Variants in FCRL5 observed in about 807,000 individuals in gnomAD.
The protein encoded by FCRL5 is Fc receptor-like protein 5.
Under a neutral mutation model 92.1 loss-of-function variants are expected in FCRL5, and 79 were observed. The ratio of observed to expected loss-of-function variants is 0.86; its 90% confidence interval spans 0.72 to 1.03. The LOEUF (loss-of-function observed/expected upper bound fraction) is 1.03. Ranked by LOEUF, FCRL5 falls within the 50% of genes least tolerant of loss-of-function variation. The pLI is 0.00. For synonymous variants in FCRL5, 466 were observed against 469.3 expected (o/e 0.99, Z 0.09); for missense variants, 1,160 against 1,181.1 (o/e 0.98, Z 0.26).
chr1:157,545,010 G>A lies in FCRL5; in HGVS notation c.380C>T (p.Ala127Val), dbSNP rs753400847. The A allele has an allele frequency of 6.0e-5, 97 of 1,613,516 alleles. No individual in the cohort carries two copies. The highest frequency in any genetic ancestry group is 7.8e-5 in the Non-Finnish European group (92 of 1,180,016). Residue 127 changes from alanine (A) to valine (V), a missense_variant, in exon 4 of 17, where the codon GCG becomes GTG. Transcript: ENST00000361835. ...DSVVLRCRAK[A>V]EVTLNNTIYK... is the part of the protein sequence containing the mutation. ...AATAGTATTATTCAGTGTTACTTCCGCCTTTGCCCGGCACCTCAGAACCAC... is the reference window on the plus strand; with the variant it reads ...AATAGTATTATTCAGTGTTACTTCCACCTTTGCCCGGCACCTCAGAACCAC...
Position 157,535,943 on chromosome 1 carries a change from G to GTTTTTTTTTTTTTTTTT in FCRL5, c.1403-1052_1403-1051insAAAAAAAAAAAAAAAAA, listed in dbSNP as rs60191062. On this transcript the variant is annotated intron_variant, in intron 7 of 16. Coordinates refer to ENST00000361835, the MANE Select transcript of FCRL5 (RefSeq NM_031281.3). ...GGCTAAATTCACTGGATGTGACTCA[G>GTTTTTTTTTTTTTTTTT]TTTTTTTTTTTTTTTTGAGATGGAG... is the stretch of plus-strand genomic sequence containing the variant. 7.0e-4 allele frequency among the ~76,000 whole-genome samples: 63 copies of GTTTTTTTTTTTTTTTTT among 90,022 alleles called. 5 individuals carry two copies. The highest frequency in any genetic ancestry group is 9.4e-4 in the Non-Finnish European group (44 of 46,926). The allele number at this position is 90,022 out of a possible 152,430, so 59.1% of individuals were successfully genotyped here. A position where few individuals can be genotyped will look rare whatever the true frequency, so the allele number is the denominator to read the frequency against.
At chr1:157,535,862 G>C (rs1191257767) in intron 7 of FCRL5, among the ~76,000 whole-genome samples, 2 of 151,486 alleles carry the variant, frequency 1.3e-5, no homozygotes, top group Admixed American at 6.6e-5. Context: ...AGAGGCAGCA[G>C]TCAAACCCAG....
At position 157,520,486 on chromosome 1, in the gene FCRL5, T is replaced by C. The variant is rs1471025515; in HGVS notation, c.2577A>G (p.Ile859Met). 1 of 1,575,642 alleles carries C rather than the reference T, an allele frequency of 6.3e-7. No homozygotes were observed. Among genetic ancestry groups the C allele is most frequent in the South Asian group, 1.2e-5 (1 of 85,764 alleles). ...GCAGTGCCCCCGCAGCAAGGCCTGCTATGCTGAGCAGGCCCCCGGCGACTC... is the reference window on the plus strand; with the variant it reads ...GCAGTGCCCCCGCAGCAAGGCCTGCCATGCTGAGCAGGCCCCCGGCGACTC... The part of the protein sequence containing the change: ...ATGVAGGLLS[I>M]AGLAAGALLL... Residue 859 changes from isoleucine to methionine, a missense_variant, in exon 12 of 17, where the codon ATA becomes ATG. By Grantham distance (10) the Ile-to-Met change is conservative. Coordinates refer to ENST00000361835, the MANE Select transcript of FCRL5 (RefSeq NM_031281.3).
rs1470959917 is a variant in FCRL5 at position 157,514,435 on chromosome 1, A to C, written c.*1240T>G. 1 of 152,254 alleles carries C rather than the reference A, an allele frequency of 6.6e-6. No homozygotes were observed. Among genetic ancestry groups the C allele is most frequent in the African/African-American group, 2.4e-5 (1 of 41,468 alleles). 9.4% of individuals were successfully genotyped at this position (152,254 alleles called of 1,614,324 possible). On this transcript the variant is annotated 3_prime_UTR_variant, in exon 17 of 17. Transcript: ENST00000361835. ...GATGAAAGCCAACATGTCACAGAGA[A>C]GAAGCTCTCTCAGCAACAGCAGCTG...
chr1:157,551,397 A>G lies in FCRL5; in HGVS notation c.31+935T>C, dbSNP rs192992690. 7.8e-3 allele frequency among the ~76,000 whole-genome samples: 1,183 copies of G among 152,294 alleles called. 11 individuals are homozygous for G. The highest frequency in any genetic ancestry group is 0.014 in the Non-Finnish European group (956 of 68,026). On this transcript the variant is annotated intron_variant, in intron 1 of 16. Coordinates refer to ENST00000361835, the MANE Select transcript of FCRL5 (RefSeq NM_031281.3). ...TCTTTTCTTATATCACGCCTGCTCCATTTCTGCTCCTCTAGCTCCTACTCA... is the reference window on the plus strand; with the variant it reads ...TCTTTTCTTATATCACGCCTGCTCCGTTTCTGCTCCTCTAGCTCCTACTCA...
intron 1 of FCRL5, among the ~76,000 whole-genome samples, chr1:157,551,574 C>T (rs1324303035): frequency 1.3e-5 from 2 of 152,194 alleles, no homozygotes; most frequent in African/African-American, 4.8e-5. Flanking sequence ...GGGAGCCCTT[C>T]TATGTCATGA....
intron 13 of FCRL5, chr1:157,519,140 G>A (rs535630416): frequency 9.0e-5 from 18 of 199,404 alleles, no homozygotes; most frequent in Non-Finnish European, 1.8e-4. Flanking sequence ...TCCGAACCCT[G>A]CATGCTCAGA....
intron 8 of FCRL5, among the ~76,000 whole-genome samples, chr1:157,531,573 G>A (rs1650698188): frequency 6.6e-6 from 1 of 152,152 alleles, no homozygotes; most frequent in African/African-American, 2.4e-5. Context: ...CAATCTAAGT[G>A]TCCCCCAGCA....
Position 157,534,609 on chromosome 1 carries a change from C to A in FCRL5, c.1681+5G>T, listed in dbSNP as rs370213739. 6.2e-7 allele frequency: 1 copy of A among 1,614,048 alleles called. No homozygotes were observed. ...GTGGGTGACTGGCAAGAACCCAGCACTTACCAGTGACAAAAAGGCTCACCA... is the reference window on the plus strand; with the variant it reads ...GTGGGTGACTGGCAAGAACCCAGCAATTACCAGTGACAAAAAGGCTCACCA... On this transcript the variant is annotated splice_donor_5th_base_variant and intron_variant, in intron 8 of 16. Coordinates refer to ENST00000361835, the MANE Select transcript of FCRL5 (RefSeq NM_031281.3).
At chr1:157,522,346 G>A (rs1253618635) in intron 10 of FCRL5, 1 of 152,192 alleles carries the variant, frequency 6.6e-6, no homozygotes, top group Non-Finnish European at 1.5e-5. Context: ...CACAACGGAT[G>A]AGAAAATGTC....
In FCRL5 at chr1:157,544,245, G is replaced by T. The variant is rs1254280589; in HGVS notation, c.844+17C>A. On this transcript the variant is annotated intron_variant, in intron 5 of 16. Coordinates refer to ENST00000361835, the MANE Select transcript of FCRL5 (RefSeq NM_031281.3). Reference sequence around the variant, plus strand: ...CAGCCCTCTCTGCAGCAAATCTCAGGTTCCACCAACACTTACTCTGCACCT... The same window carrying T: ...CAGCCCTCTCTGCAGCAAATCTCAGTTTCCACCAACACTTACTCTGCACCT... The T allele has an allele frequency of 1.9e-6, 3 of 1,610,382 alleles. No homozygotes were observed. The highest frequency in any genetic ancestry group is 2.5e-6 in the Non-Finnish European group (3 of 1,176,890).
rs1327069368 is a variant in FCRL5, at chr1:157,534,719, A to G, written c.1576T>C (p.Ser526Pro). The change falls in exon 8 of 17, where the codon TCC becomes CCC. Residue 526 changes from serine to proline, a missense_variant. Coordinates refer to ENST00000361835, the MANE Select transcript of FCRL5 (RefSeq NM_031281.3). ...SSSTPSVGRV[S>P]FSFSLTEGHS... ...CCTTCAGTCAGAGAGAAGCTGAAGG[A>G]CACTCTTCCCACAGAGGGTGTTGAG... is the stretch of plus-strand genomic sequence containing the variant. The G allele has an allele frequency of 1.2e-6, 2 of 1,614,004 alleles. No individual in the cohort carries two copies. The highest frequency in any genetic ancestry group is 1.7e-6 in the Non-Finnish European group (2 of 1,180,022).
chr1:157,539,953 T>C lies in FCRL5; in HGVS notation c.1124-589A>G, dbSNP rs564213917. Among the ~76,000 whole-genome samples, 39 of 152,354 alleles carry C rather than the reference T, an allele frequency of 2.6e-4. 1 individual carries two copies. The highest frequency in any genetic ancestry group is 8.2e-4 in the African/African-American group (34 of 41,582). ...ATATCTTCCCTTTCACCTTTAAATA[T>C]TGAAACCCTCAAAATCATCTTTGGA... On this transcript the variant is annotated intron_variant, in intron 6 of 16. Transcript: ENST00000361835.
chr1:157,539,903 TA>T (rs906478596), intron 6 of FCRL5, among the ~76,000 whole-genome samples: 2 of 152,218 alleles, frequency 1.3e-5, no homozygotes, highest in African/African-American at 4.8e-5. Context: ...CACATACTTT[TA>T]AAAAAATTTC....
intron 15 of FCRL5, among the ~76,000 whole-genome samples, chr1:157,517,060 C>T (rs1016279191): frequency 2.0e-5 from 3 of 152,148 alleles, no homozygotes; most frequent in South Asian, 2.1e-4. Flanking sequence ...GCTAAAATCA[C>T]GCAGCACTTT....
At position 157,552,318 on chromosome 1, in the gene FCRL5, G is replaced by A. The variant is rs1651857500; in HGVS notation, c.31+14C>T. The A allele has an allele frequency of 6.2e-7, 1 of 1,613,856 alleles. No homozygotes were observed. Among genetic ancestry groups the A allele is most frequent in the Non-Finnish European group, 8.5e-7 (1 of 1,179,796 alleles). On this transcript the variant is annotated intron_variant, in intron 1 of 16. Transcript: ENST00000361835. ...CGATCCCACCCAGGGCCCATGGTGA[G>A]CCCTTTTACTCACCCAGGACCAGTA... is the stretch of plus-strand genomic sequence containing the variant.
rs1015983904 is a variant in FCRL5 at position 157,527,683 on chromosome 1, A to G, written c.1894T>C (p.Tyr632His). 2 of 1,614,176 alleles carry G rather than the reference A, an allele frequency of 1.2e-6. No individual in the cohort carries two copies. Residue 632 changes from tyrosine to histidine, a missense_variant, in exon 9 of 17, where the codon TAC becomes CAC. By Grantham distance (83) the Tyr-to-His change is moderately conservative (BLOSUM62 2). Coordinates refer to ENST00000361835, the MANE Select transcript of FCRL5 (RefSeq NM_031281.3). ...AGGCCATTGTTGGCCTCACATGAGT[A>G]GTTTCCAGAATGTTCTGCAGTCAGA... ...LSLTAEHSGNYSCEANNGLVA... is the reference protein window; with the variant it reads ...LSLTAEHSGNHSCEANNGLVA...
intron 2 of FCRL5, 27 bp from the exon 3 acceptor site, chr1:157,547,224 GAGGTGGAGGCGCCTGCAGACC>G: frequency 6.2e-7 from 1 of 1,611,254 alleles, no homozygotes; most frequent in South Asian, 1.1e-5. Flanking sequence ...AAAGGAGTCT[GAGGTGGAGGCGCCTGCAGACC>G]CAGCCTCAGG....
At chr1:157,534,320 G>T (rs1353108108) in intron 8 of FCRL5, 9 of 704,950 alleles carry the variant, frequency 1.3e-5, no homozygotes, top group Middle Eastern at 2.3e-4. Flanking sequence ...AGTAGGACAC[G>T]CTCCGTGCAT....
Sources: allele counts gnomAD v4.1 joint callset (sites outside exome capture counted in the v4.1 genomes callset), GRCh38; gene constraint gnomAD v4.1.1; transcripts MANE v1.5; gene names NCBI Gene and HGNC (gene_info 2026-07-23, HGNC 2026-07-21).